Variants in COL14A1 observed in about 807,000 individuals in gnomAD.
COL14A1 encodes the protein collagen type XIV alpha 1 chain.
COL14A1 carries 136 observed loss-of-function variants against 230.3 expected under a neutral mutation model. The observed-to-expected ratio is 0.59, with a 90% CI of 0.51 to 0.68. COL14A1 has a LOEUF of 0.68. Among genes scored for constraint, COL14A1 ranks in the 30% least tolerant of loss-of-function variants. COL14A1 has a pLI of 0.00. For missense variants in COL14A1, 1,976 were observed against 2,215.8 expected (o/e 0.89, Z 2.17); for synonymous variants, 792 against 784.1 (o/e 1.01, Z -0.17).
At chr8:120,203,226 G>T (rs1301542629) in intron 8 of COL14A1, among the ~76,000 whole-genome samples, 1 of 151,698 alleles carries the variant, frequency 6.6e-6, no homozygotes, top group African/African-American at 2.4e-5. Flanking sequence ...TTCTGCAACT[G>T]ATTTCTGTAA....
intron 3 of COL14A1, among the ~76,000 whole-genome samples, chr8:120,159,803 G>A (rs951362764): frequency 6.6e-5 from 10 of 151,972 alleles, no homozygotes; most frequent in African/African-American, 1.9e-4. Flanking sequence ...GTGGTTTTCC[G>A]CTCTCAGCCC....
At chr8:120,292,098 C>G (rs1377564448) in intron 34 of COL14A1, among the ~76,000 whole-genome samples, 2 of 152,046 alleles carry the variant, frequency 1.3e-5, no homozygotes, top group African/African-American at 4.8e-5. Flanking sequence ...GTACCCTCTC[C>G]TAATTATTTT....
intron 47 of COL14A1, among the ~76,000 whole-genome samples, chr8:120,370,132 A>G (rs1412122555): frequency 1.3e-5 from 2 of 152,154 alleles, no homozygotes. Context: ...TTTCTGACAT[A>G]GTCACTCTTG....
intron 21 of COL14A1, 72 bp from the exon 22 acceptor site, chr8:120,250,545 C>T: frequency 6.6e-7 from 1 of 1,517,694 alleles, no homozygotes; most frequent in Non-Finnish European, 9.1e-7. Context: ...CAAGTGAATA[C>T]AATTTGATCT....
At chr8:120,273,958 G>A (rs1333896676) in intron 26 of COL14A1, among the ~76,000 whole-genome samples, 2 of 151,606 alleles carry the variant, frequency 1.3e-5, no homozygotes, top group Non-Finnish European at 3.0e-5. Flanking sequence ...GATTAGAAGG[G>A]GAATTCTCAC....
intron 46 of COL14A1, among the ~76,000 whole-genome samples, chr8:120,368,827 G>A (rs1188225173): frequency 6.6e-6 from 1 of 152,074 alleles, no homozygotes; most frequent in African/African-American, 2.4e-5. Flanking sequence ...AACCAGTACT[G>A]AATTACATGG....
intron 31 of COL14A1, among the ~76,000 whole-genome samples, chr8:120,282,783 T>C (rs1347008725): frequency 1.3e-5 from 2 of 152,112 alleles, no homozygotes; most frequent in Non-Finnish European, 2.9e-5. Context: ...GGTTGGGCTC[T>C]TCAGGAAGCA....
rs1029332725 is a variant in COL14A1, at chr8:120,217,030, G to A, written c.1737+540G>A. On this transcript the variant is annotated intron_variant, in intron 14 of 47. Coordinates refer to ENST00000297848, the MANE Select transcript of COL14A1 (RefSeq NM_021110.4). ...GGGGAGAAACACAGATCCTACCTAT[G>A]GTGGGAGACAGGTCAGTCACAGGAT... Among the ~76,000 whole-genome samples the A allele has an allele frequency of 3.3e-5, 5 of 152,280 alleles. No individual in the cohort carries two copies. The East Asian group carries it at 9.6e-4, about 29-fold the overall frequency.
Position 120,243,371 on chromosome 8 carries a change from G to A in COL14A1, c.2350-508G>A, listed in dbSNP as rs1818664325. On this transcript the variant is annotated intron_variant, in intron 19 of 47. Transcript: ENST00000297848. ...AATATGCTTCAGCTCAAGAAAACTTGGCTTTGATGTGTGGTTCTGTTGCTC... is the reference window on the plus strand; with the variant it reads ...AATATGCTTCAGCTCAAGAAAACTTAGCTTTGATGTGTGGTTCTGTTGCTC... Among the ~76,000 whole-genome samples, 3 of 152,144 alleles carry A rather than the reference G, an allele frequency of 2.0e-5. No homozygotes were observed. In the South Asian group the frequency reaches 6.2e-4, roughly 32 times the overall value.
Position 120,216,508 on chromosome 8 carries a change from A to C in COL14A1, c.1737+18A>C. On this transcript the variant is annotated intron_variant, in intron 14 of 47. Transcript: ENST00000297848. ...TCAATGAGGTAAGTTCCGGGACATA[A>C]TGTATATTTTTTAGGTAGTGGCGTG... 6.2e-7 allele frequency: 1 copy of C among 1,600,118 alleles called. No homozygotes were observed. The highest frequency in any genetic ancestry group is 8.5e-7 in the Non-Finnish European group (1 of 1,173,762).
chr8:120,248,917 C>CT (rs71571673), intron 21 of COL14A1, among the ~76,000 whole-genome samples: 4,374 of 83,840 alleles, frequency 0.052, 1,130 homozygotes, highest in African/African-American at 0.12. Flanking sequence ...TTCAATCTTT[C>CT]TTTTTTTTTT....
intron 4 of COL14A1, among the ~76,000 whole-genome samples, chr8:120,167,197 G>C: frequency 6.6e-6 from 1 of 152,070 alleles, no homozygotes; most frequent in Non-Finnish European, 1.5e-5. Flanking sequence ...TTTCAGCAAA[G>C]GGATGGAAGA....
In COL14A1 at chr8:120,345,516, C is replaced by T; in HGVS notation, c.5030C>T (p.Pro1677Leu). The T allele has an allele frequency of 6.3e-7, 1 of 1,577,952 alleles. No homozygotes were observed. The highest frequency in any genetic ancestry group is 8.6e-7 in the Non-Finnish European group (1 of 1,167,464). The part of the protein sequence containing the change: ...APGEQGPPGT[P>L]GFPGNAGVPG... ...GGTGAACAAGGACCCCCAGGCACAC[C>T]AGGCTTCCCCGGAAATGCAGGCGTG... The change falls in exon 45 of 48, where the codon CCA (proline) becomes CTA (leucine). Residue 1677 changes from proline to leucine, a missense_variant. By Grantham distance (98) the Pro-to-Leu change is moderately conservative (BLOSUM62 -3). Coordinates refer to ENST00000297848, the MANE Select transcript of COL14A1 (RefSeq NM_021110.4).
chr8:120,370,731 A>C, intron 47 of COL14A1: 1 of 1,392,712 alleles, frequency 7.2e-7, no homozygotes. Context: ...TCCTCTCCCC[A>C]CACAGGATGG....
chr8:120,185,302 A>G (rs1236621038), intron 5 of COL14A1, among the ~76,000 whole-genome samples: 1 of 152,188 alleles, frequency 6.6e-6, no homozygotes, highest in Non-Finnish European at 1.5e-5. Context: ...GACAACTTCC[A>G]TGGTAGTGAT....
At chr8:120,235,280 C>T (rs978209567) in intron 19 of COL14A1, among the ~76,000 whole-genome samples, 2 of 152,106 alleles carry the variant, frequency 1.3e-5, no homozygotes, top group African/African-American at 4.8e-5. Flanking sequence ...AGCGATTCTC[C>T]TGCCTCAGCC....
At chr8:120,162,633 G>A in intron 4 of COL14A1, 64 bp downstream of exon 4, 1 of 1,373,462 alleles carries the variant, frequency 7.3e-7, no homozygotes, top group Non-Finnish European at 9.7e-7. Context: ...ATTTGAGTCT[G>A]TGATATATAT....
chr8:120,231,729 C>T (rs919859729), intron 19 of COL14A1, 111 bp downstream of exon 19: 2 of 1,126,914 alleles, frequency 1.8e-6, no homozygotes, highest in Non-Finnish European at 2.5e-6. Flanking sequence ...AGTGACTCTG[C>T]CATCTCCAGA....
intron 5 of COL14A1, among the ~76,000 whole-genome samples, chr8:120,182,851 C>A (rs992363481): frequency 6.6e-6 from 1 of 151,362 alleles, no homozygotes; most frequent in Admixed American, 6.6e-5. Flanking sequence ...CTCAGTCTCC[C>A]GAGTAGCTAG....
Sources: allele counts gnomAD v4.1 joint callset (sites outside exome capture counted in the v4.1 genomes callset), GRCh38; gene constraint gnomAD v4.1.1; transcripts MANE v1.5; gene names NCBI Gene and HGNC (gene_info 2026-07-23, HGNC 2026-07-21).